The following SORCS3 variants were observed in gnomAD, a reference collection of about 807,000 sequenced individuals.
The protein encoded by SORCS3 is VPS10 domain-containing receptor SorCS3.
A neutral mutation model predicts 146.3 loss-of-function variants in SORCS3; 57 were observed. The ratio of observed to expected loss-of-function variants is 0.39; its 90% confidence interval spans 0.31 to 0.49. SORCS3 has a LOEUF of 0.49. Ranked by LOEUF, SORCS3 falls within the 20% of genes least tolerant of loss-of-function variation. The pLI, the probability that SORCS3 is intolerant of heterozygous loss-of-function variation, is 0.92. For missense variants in SORCS3, 1,341 were observed against 1,575.5 expected (o/e 0.85, Z 2.52); for synonymous variants, 653 against 618.5 (o/e 1.06, Z -0.83).
chr10:105,042,669 A>G (rs2055345190), intron 4 of SORCS3, among the ~76,000 whole-genome samples: 1 of 152,200 alleles, frequency 6.6e-6, no homozygotes, highest in African/African-American at 2.4e-5. Flanking sequence ...TAGAGCAGTA[A>G]GAAATGAAAG....
At chr10:104,857,837 G>A (rs2018352348) in intron 2 of SORCS3, among the ~76,000 whole-genome samples, 1 of 152,182 alleles carries the variant, frequency 6.6e-6, no homozygotes, top group Non-Finnish European at 1.5e-5. Context: ...TTGTAATGGT[G>A]GAGCAGAGGA....
chr10:104,747,294 G>A (rs1006769878), intron 1 of SORCS3, among the ~76,000 whole-genome samples: 1 of 152,178 alleles, frequency 6.6e-6, no homozygotes, highest in Non-Finnish European at 1.5e-5. Flanking sequence ...TTGAGGATGG[G>A]CTTCTAGGGA....
intron 2 of SORCS3, among the ~76,000 whole-genome samples, chr10:104,859,339 T>C (rs1589526363): frequency 6.6e-6 from 1 of 152,104 alleles, no homozygotes; most frequent in East Asian, 1.9e-4. Context: ...ATTTAATAAA[T>C]GGTGCTGGGA....
rs571680651 is a variant in SORCS3, at chr10:104,806,270, G to A, written c.628-36522G>A. ...TGAGTGTCCTTCCTTTGTGCCCAGAGGGTAAGTTTAGGCATAGAGAAGTTT... is the reference window on the plus strand; with the variant it reads ...TGAGTGTCCTTCCTTTGTGCCCAGAAGGTAAGTTTAGGCATAGAGAAGTTT... On this transcript the variant is annotated intron_variant, in intron 1 of 26. Coordinates refer to ENST00000369701, the MANE Select transcript of SORCS3 (RefSeq NM_014978.3). 3.9e-5 allele frequency among the ~76,000 whole-genome samples: 6 copies of A among 152,062 alleles called. No individual in the cohort carries two copies. The East Asian group carries it at 9.7e-4, about 24-fold the overall frequency.
intron 20 of SORCS3, among the ~76,000 whole-genome samples, chr10:105,228,276 C>A (rs2056745679): frequency 6.6e-6 from 1 of 151,350 alleles, no homozygotes. Context: ...TTTGTTCTAC[C>A]AGTGGCTTTT....
At chr10:104,721,780 T>A (rs535329863) in intron 1 of SORCS3, among the ~76,000 whole-genome samples, 5 of 152,198 alleles carry the variant, frequency 3.3e-5, no homozygotes, top group Non-Finnish European at 7.4e-5. Flanking sequence ...TCTCTGTTTG[T>A]CTGTTATTGG....
intron 4 of SORCS3, 73 bp from the exon 5 acceptor site, chr10:105,042,982 G>A (rs780648525): frequency 1.5e-6 from 2 of 1,325,382 alleles, no homozygotes; most frequent in Non-Finnish European, 2.2e-6. Flanking sequence ...TTGGGATGCT[G>A]CAGGGAAAAC....
rs576096493 is a variant in SORCS3 at position 105,263,325 on chromosome 10, T to C, written c.3620T>C (p.Ile1207Thr). ...DTRVIGGIAT[I>T]ANSESTKEIP... ...TTCTCTGCAGGAGGCATTGCCACTA[T>C]TGCAAACAGCGAAAGCACAAAGGAG... The change falls in exon 27 of 27, where the codon ATT becomes ACT. Residue 1207 changes from isoleucine to threonine, a missense_variant. Physicochemically the swap from Ile to Thr is moderately conservative, Grantham distance 89. Transcript: ENST00000369701. 2.7e-5 allele frequency: 43 copies of C among 1,614,098 alleles called. 1 individual carries two copies. In the South Asian group the frequency reaches 4.0e-4, roughly 15 times the overall value.
chr10:104,774,572 T>A lies in SORCS3; in HGVS notation c.628-68220T>A, dbSNP rs139935166. 2.9e-3 allele frequency among the ~76,000 whole-genome samples: 439 copies of A among 152,286 alleles called. 1 individual carries two copies. Among genetic ancestry groups the A allele is most frequent in the Middle Eastern group, 6.8e-3 (2 of 294 alleles). The stretch of plus-strand genomic sequence containing the variant: ...TGTTGAGATGACATGGCAGCTTCTG[T>A]CTGTGGCCATGACTCCCAATTACCT... On this transcript the variant is annotated intron_variant, in intron 1 of 26. Coordinates refer to ENST00000369701, the MANE Select transcript of SORCS3 (RefSeq NM_014978.3).
chr10:105,125,679 C>CACACACACACACACACACA (rs370356129), intron 7 of SORCS3, among the ~76,000 whole-genome samples: 1,672 of 144,462 alleles, frequency 0.012, 30 homozygotes, highest in African/African-American at 0.028. Context: ...CACTGAATAT[C>CACACACACACACACACACA]CACACACACA....
intron 8 of SORCS3, among the ~76,000 whole-genome samples, chr10:105,142,467 T>C (rs536749462): frequency 6.6e-6 from 1 of 152,320 alleles, no homozygotes; most frequent in South Asian, 2.1e-4. Context: ...CTGGACAAAA[T>C]GCCTGCTAAT....
At chr10:104,948,440 T>C (rs773906438) in intron 3 of SORCS3, among the ~76,000 whole-genome samples, 1 of 151,910 alleles carries the variant, frequency 6.6e-6, no homozygotes, top group Non-Finnish European at 1.5e-5. Flanking sequence ...AGTGTGGAGG[T>C]AAGTGGAATA....
At chr10:104,995,844 A>G (rs1232202449) in intron 4 of SORCS3, among the ~76,000 whole-genome samples, 1 of 150,742 alleles carries the variant, frequency 6.6e-6, no homozygotes. Context: ...TGTTACAATT[A>G]TCTTTTTATT....
At chr10:104,910,585 A>G (rs2018956361) in intron 2 of SORCS3, among the ~76,000 whole-genome samples, 1 of 152,238 alleles carries the variant, frequency 6.6e-6, no homozygotes, top group South Asian at 2.1e-4. Flanking sequence ...CTGAACATAT[A>G]TCCTATGTGA....
At chr10:104,766,769 C>T (rs2017185077) in intron 1 of SORCS3, among the ~76,000 whole-genome samples, 1 of 152,190 alleles carries the variant, frequency 6.6e-6, no homozygotes, top group Admixed American at 6.5e-5. Context: ...AGATGTGGGG[C>T]CACGGTACCT....
At chr10:104,817,525 C>T (rs1399444321) in intron 1 of SORCS3, among the ~76,000 whole-genome samples, 2 of 36,672 alleles carry the variant, frequency 5.5e-5, no homozygotes, top group East Asian at 1.3e-3. Context: ...CCTCCTCTTC[C>T]GCTTCCCCCT....
chr10:105,060,322 C>T (rs533689684), intron 5 of SORCS3, among the ~76,000 whole-genome samples: 11 of 152,104 alleles, frequency 7.2e-5, no homozygotes, highest in South Asian at 2.1e-4. Context: ...TCAAGAAGTT[C>T]GGATTCTATG....
At chr10:105,025,837 A>ACACACAC (rs2055224875) in intron 4 of SORCS3, among the ~76,000 whole-genome samples, 5 of 135,418 alleles carry the variant, frequency 3.7e-5, no homozygotes, top group African/African-American at 8.4e-5. Flanking sequence ...TGTCTTCTCA[A>ACACACAC]ACACACACAC....
chr10:104,855,207 A>T (rs999389199), intron 2 of SORCS3, among the ~76,000 whole-genome samples: 1 of 152,176 alleles, frequency 6.6e-6, no homozygotes, highest in Non-Finnish European at 1.5e-5. Context: ...CTCTGCCAGT[A>T]CCATCCTCTT....
Sources: allele counts gnomAD v4.1 joint callset (sites outside exome capture counted in the v4.1 genomes callset), GRCh38; gene constraint gnomAD v4.1.1; transcripts MANE v1.5; gene names NCBI Gene and HGNC (gene_info 2026-07-23, HGNC 2026-07-21).